The following SYT1 variants were observed in gnomAD, a reference collection of about 807,000 sequenced individuals.
The protein encoded by SYT1 is synaptotagmin-1.
SYT1 carries 8 observed loss-of-function variants against 44.8 expected under a neutral mutation model. The observed-to-expected ratio is 0.18, with a 90% CI of 0.10 to 0.32. The LOEUF is 0.32. Ranked by LOEUF, SYT1 falls within the 10% of genes least tolerant of loss-of-function variation. SYT1 has a pLI of 1.00. For synonymous variants in SYT1, 154 were observed against 188.8 expected, an observed-to-expected ratio of 0.82 and a Z score of 1.51; for missense variants, 286 against 509.3, an observed-to-expected ratio of 0.56 and a Z score of 4.22.
Position 79,222,080 on chromosome 12 carries a change from T to G in SYT1, c.166+4395T>G, listed in dbSNP as rs114609401. ...GCTTTGCTGGGTACACTATTCTCTG[T>G]TGGCAGTTTTTTTCTTCAGCATGTT... On this transcript the variant is annotated intron_variant, in intron 4 of 10. Coordinates refer to ENST00000261205, the MANE Select transcript of SYT1 (RefSeq NM_005639.3). Among the ~76,000 whole-genome samples, 926 of 152,302 alleles carry G rather than the reference T, an allele frequency of 6.1e-3. 10 individuals carry two copies. Among genetic ancestry groups the G allele is most frequent in the African/African-American group, 0.021 (884 of 41,586 alleles).
At chr12:79,399,289 A>ATT (rs576684760) in intron 9 of SYT1, among the ~76,000 whole-genome samples, 1,887 of 134,184 alleles carry the variant, frequency 0.014, 24 homozygotes, top group African/African-American at 0.039. Flanking sequence ...AGTAATTTGA[A>ATT]TTTTTTTTTT....
At chr12:79,269,229 C>T (rs1331198717) in intron 4 of SYT1, among the ~76,000 whole-genome samples, 1 of 152,012 alleles carries the variant, frequency 6.6e-6, no homozygotes, top group East Asian at 1.9e-4. Context: ...AGGTAGAAAA[C>T]TGTGAAACAG....
intron 2 of SYT1, among the ~76,000 whole-genome samples, chr12:79,008,314 A>G (rs1425616686): frequency 6.6e-6 from 1 of 152,148 alleles, no homozygotes; most frequent in African/African-American, 2.4e-5. Flanking sequence ...TATGGCTGGA[A>G]TTTAGTAAAA....
chr12:79,136,083 G>C (rs1417190226), intron 3 of SYT1, among the ~76,000 whole-genome samples: 1 of 152,108 alleles, frequency 6.6e-6, no homozygotes, highest in Admixed American at 6.5e-5. Flanking sequence ...GATTGGAAAA[G>C]ATGTCTATGT....
Position 79,180,432 on chromosome 12 carries a change from C to A in SYT1, c.-17-37071C>A, listed in dbSNP as rs904950723. Among the ~76,000 whole-genome samples, 53 of 151,924 alleles carry A rather than the reference C, an allele frequency of 3.5e-4. No homozygotes were observed. The Middle Eastern group carries it at 0.01, about 29-fold the overall frequency. On this transcript the variant is annotated intron_variant, in intron 3 of 10. Transcript: ENST00000261205. ...GCTTTAGTATTGGTATTAGTCCATTCTCACATTGTTATAAAGAAGTATCTG... is the reference window on the plus strand; with the variant it reads ...GCTTTAGTATTGGTATTAGTCCATTATCACATTGTTATAAAGAAGTATCTG...
chr12:79,107,763 G>A (rs1220302604), intron 3 of SYT1, among the ~76,000 whole-genome samples: 2 of 151,810 alleles, frequency 1.3e-5, no homozygotes, highest in Non-Finnish European at 2.9e-5. Context: ...ACTTGATGTT[G>A]TATCACTGAT....
At chr12:79,295,598 C>T (rs1375475674) in intron 6 of SYT1, among the ~76,000 whole-genome samples, 7 of 152,140 alleles carry the variant, frequency 4.6e-5, no homozygotes, top group African/African-American at 1.7e-4. Context: ...CAAAATGCTA[C>T]CCAATTTCTA....
At chr12:79,120,570 A>T (rs971136118) in intron 3 of SYT1, among the ~76,000 whole-genome samples, 4 of 152,250 alleles carry the variant, frequency 2.6e-5, no homozygotes, top group Non-Finnish European at 5.9e-5. Context: ...CATTTTCAGT[A>T]AAACTGGACT....
chr12:78,930,671 G>A (rs1443521961), intron 1 of SYT1, among the ~76,000 whole-genome samples: 1 of 151,022 alleles, frequency 6.6e-6, no homozygotes, highest in Non-Finnish European at 1.5e-5. Flanking sequence ...CCATTGGGAG[G>A]TTGGGAAGTG....
At chr12:78,942,490 A>G (rs149155065) in intron 1 of SYT1, among the ~76,000 whole-genome samples, 2 of 152,230 alleles carry the variant, frequency 1.3e-5, no homozygotes, top group African/African-American at 4.8e-5. Flanking sequence ...CATCCCCTTT[A>G]AAGCCCAAAT....
chr12:79,253,483 G>GTCTCTCTCTCTC lies in SYT1; in HGVS notation c.167-32273_167-32262dup, dbSNP rs60179268. Among the ~76,000 whole-genome samples the GTCTCTCTCTCTC allele has an allele frequency of 1.4e-3, 186 of 129,474 alleles. 1 individual carries two copies. Among genetic ancestry groups the GTCTCTCTCTCTC allele is most frequent in the African/African-American group, 4.1e-3 (144 of 35,180 alleles). 84.9% of individuals were successfully genotyped at this position (129,474 alleles called of 152,430 possible). ...CTGTTCCACCAAAAGCCATTGCCCA[G>GTCTCTCTCTCTC]TCTCTCTCTCTCTCTCTCTCTCTCT... On this transcript the variant is annotated intron_variant, in intron 4 of 10. Coordinates refer to ENST00000261205, the MANE Select transcript of SYT1 (RefSeq NM_005639.3).
At chr12:79,157,459 A>C (rs545873208) in intron 3 of SYT1, among the ~76,000 whole-genome samples, 22 of 152,158 alleles carry the variant, frequency 1.4e-4, no homozygotes, top group Non-Finnish European at 2.8e-4. Context: ...AAGTGACAAA[A>C]AGTCCCCCAC....
intron 3 of SYT1, among the ~76,000 whole-genome samples, chr12:79,072,445 A>G (rs1876347079): frequency 2.0e-5 from 3 of 152,154 alleles, no homozygotes; most frequent in Non-Finnish European, 4.4e-5. Flanking sequence ...ACATAAGCAT[A>G]AATACGTACA....
intron 3 of SYT1, among the ~76,000 whole-genome samples, chr12:79,202,061 G>A (rs1873820801): frequency 1.3e-5 from 2 of 152,098 alleles, no homozygotes. Context: ...TATTGCTCTT[G>A]TCAGTAAGCC....
chr12:79,131,329 C>G (rs61418932), intron 3 of SYT1, among the ~76,000 whole-genome samples: 5,157 of 152,050 alleles, frequency 0.034, 168 homozygotes, highest in South Asian at 0.1. Flanking sequence ...ATTCTTAAAA[C>G]TTGTTAAATT....
At chr12:79,009,514 C>T (rs187893208) in intron 2 of SYT1, among the ~76,000 whole-genome samples, 97 of 152,266 alleles carry the variant, frequency 6.4e-4, no homozygotes, top group Non-Finnish European at 1.3e-3. Flanking sequence ...TTCTTACTTG[C>T]TCCCTGGTAC....
Position 79,231,806 on chromosome 12 carries a change from C to T in SYT1, c.166+14121C>T, listed in dbSNP as rs368434473. Among the ~76,000 whole-genome samples, 9 of 152,256 alleles carry T rather than the reference C, an allele frequency of 5.9e-5. No individual in the cohort carries two copies. The East Asian group carries it at 9.6e-4, about 16-fold the overall frequency. ...ATTTAAAACACTGCTGTTATAATCA[C>T]GCAAATATTACTACCTAAATTATTT... On this transcript the variant is annotated intron_variant, in intron 4 of 10. Transcript: ENST00000261205.
At chr12:78,995,386 T>C (rs555837760) in intron 2 of SYT1, among the ~76,000 whole-genome samples, 11 of 152,208 alleles carry the variant, frequency 7.2e-5, no homozygotes, top group Non-Finnish European at 1.5e-4. Flanking sequence ...CAGATCTCAA[T>C]AGGGGTGAGA....
At chr12:79,149,355 TG>T (rs1379258199) in intron 3 of SYT1, among the ~76,000 whole-genome samples, 1 of 152,140 alleles carries the variant, frequency 6.6e-6, no homozygotes, top group Non-Finnish European at 1.5e-5. Context: ...GACTGAAATA[TG>T]TTTTTTCTGT....
Sources: allele counts gnomAD v4.1 joint callset (sites outside exome capture counted in the v4.1 genomes callset), GRCh38; gene constraint gnomAD v4.1.1; transcripts MANE v1.5; gene names NCBI Gene and HGNC (gene_info 2026-07-23, HGNC 2026-07-21).